The following BNC2 variants were observed in gnomAD, a reference collection of about 807,000 sequenced individuals.
The protein encoded by BNC2 is zinc finger protein basonuclin-2.
In BNC2, 20 loss-of-function variants were observed where a neutral mutation model predicts 76.3. The ratio of observed to expected loss-of-function variants is 0.26; its 90% CI spans 0.18 to 0.38. The LOEUF (loss-of-function observed/expected upper bound fraction) is 0.38. Among genes scored for constraint, BNC2 ranks in the 10% least tolerant of loss-of-function variants. The pLI is 1.00. For missense variants in BNC2, 1,382 were observed against 1,399.8 expected (o/e 0.99, Z 0.20); for synonymous variants, 582 against 514.8 (o/e 1.13, Z -1.77).
chr9:16,461,930 T>C (rs768498311), intron 5 of BNC2, among the ~76,000 whole-genome samples: 34 of 152,226 alleles, frequency 2.2e-4, no homozygotes, highest in Non-Finnish European at 3.2e-4. Flanking sequence ...AGTATGAAAG[T>C]AAACAAACTC....
At chr9:16,442,461 T>C (rs768222808) in intron 5 of BNC2, among the ~76,000 whole-genome samples, 2 of 152,242 alleles carry the variant, frequency 1.3e-5, no homozygotes, top group Non-Finnish European at 2.9e-5. Context: ...ATGGTTTAAA[T>C]GGTTTTATCT....
chr9:16,644,983 G>C (rs1324076483), intron 3 of BNC2, among the ~76,000 whole-genome samples: 1 of 152,118 alleles, frequency 6.6e-6, no homozygotes, highest in Non-Finnish European at 1.5e-5. Flanking sequence ...TCACAAAGTC[G>C]TCAGCATTGT....
chr9:16,864,722 C>A (rs893419320), intron 1 of BNC2, among the ~76,000 whole-genome samples: 3 of 152,152 alleles, frequency 2.0e-5, no homozygotes, highest in African/African-American at 4.8e-5. Context: ...GCATGCACGA[C>A]AATAGTCTCG....
intron 5 of BNC2, among the ~76,000 whole-genome samples, chr9:16,518,126 G>A (rs2132030141): frequency 6.6e-6 from 1 of 152,214 alleles, no homozygotes; most frequent in African/African-American, 2.4e-5. Context: ...ATATAATAAT[G>A]AAAATTAAAT....
intron 3 of BNC2, among the ~76,000 whole-genome samples, chr9:16,610,909 C>T (rs7019105): frequency 0.89 from 135,313 of 152,216 alleles, 60,702 homozygotes; most frequent in East Asian, 0.98. Context: ...TAGGCTGCCA[C>T]TGCTGTCATA....
intron 3 of BNC2, among the ~76,000 whole-genome samples, chr9:16,626,910 C>G (rs1050684617): frequency 1.3e-5 from 2 of 152,082 alleles, no homozygotes; most frequent in Admixed American, 1.3e-4. Context: ...CACTCACAGC[C>G]CTGTTAATTT....
rs758092172 is a variant in BNC2, at chr9:16,436,282, T to A, written c.1912A>T (p.Met638Leu). ...ATTTCCTTCTCAATCTTCACAGGCA[T>A]GCTTGACTTCCTGGGCTTTTTCTTG... The part of the protein sequence containing the change: ...APKKKPRKSS[M>L]PVKIEKEIID... Residue 638 changes from methionine to leucine, a missense_variant, in exon 6 of 7, where the codon ATG becomes TTG. Around this residue, in one of 3 missense-constraint regions of BNC2, gnomAD observed 798 missense variants for 775.5 expected, o/e 1.03. Transcript: ENST00000380672. 2 of 1,614,046 alleles carry A rather than the reference T, an allele frequency of 1.2e-6. No homozygotes were observed. Among genetic ancestry groups the A allele is most frequent in the African/African-American group, 2.7e-5 (2 of 74,910 alleles).
intron 1 of BNC2, among the ~76,000 whole-genome samples, chr9:16,839,880 G>C (rs766759585): frequency 2.6e-5 from 4 of 152,280 alleles, no homozygotes; most frequent in South Asian, 4.1e-4. Context: ...ATGCCTGCAA[G>C]CACACACCCA....
chr9:16,864,360 T>C (rs1042566855), intron 1 of BNC2, among the ~76,000 whole-genome samples: 5 of 152,226 alleles, frequency 3.3e-5, no homozygotes, highest in Admixed American at 6.5e-5. Flanking sequence ...AAAATAGTTA[T>C]GTTAGTCACC....
rs766885609 is a variant in BNC2, at chr9:16,583,090, AAAAT to A, written c.331-9_331-6del. ...TACCAGTGTGCAACGGATGGCCTGA[AAAAT>A]AAAGGAGGAAAAAAAGGTCAGCATC... On this transcript the variant is annotated splice_polypyrimidine_tract_variant and splice_region_variant and intron_variant, in intron 3 of 6. Coordinates refer to ENST00000380672, the MANE Select transcript of BNC2 (RefSeq NM_017637.6). The A allele has an allele frequency of 7.4e-5, 120 of 1,612,910 alleles. No homozygotes were observed. Among genetic ancestry groups the A allele is most frequent in the Non-Finnish European group, 1.0e-4 (118 of 1,179,084 alleles).
intron 3 of BNC2, among the ~76,000 whole-genome samples, chr9:16,586,814 G>A (rs575520191): frequency 3.3e-5 from 5 of 152,130 alleles, no homozygotes; most frequent in Non-Finnish European, 7.4e-5. Context: ...TTGGGGTTTG[G>A]GGGCAGTGAG....
intron 3 of BNC2, among the ~76,000 whole-genome samples, chr9:16,632,247 T>G (rs1044408004): frequency 1.3e-5 from 2 of 152,158 alleles, no homozygotes; most frequent in African/African-American, 2.4e-5. Context: ...CTGAACCCCT[T>G]CTATGTTTTA....
chr9:16,477,614 T>C (rs940857753), intron 5 of BNC2, among the ~76,000 whole-genome samples: 38 of 152,222 alleles, frequency 2.5e-4, no homozygotes, highest in Non-Finnish European at 4.0e-4. Context: ...ATTTAATATA[T>C]CTAGACTATT....
intron 2 of BNC2, among the ~76,000 whole-genome samples, chr9:16,737,799 C>T (rs547824979): frequency 1.3e-5 from 2 of 152,072 alleles, no homozygotes; most frequent in Non-Finnish European, 2.9e-5. Flanking sequence ...CTTAGAAGAT[C>T]TGCATAGTGA....
intron 5 of BNC2, among the ~76,000 whole-genome samples, chr9:16,520,155 C>G (rs748412720): frequency 6.6e-6 from 1 of 152,192 alleles, no homozygotes; most frequent in African/African-American, 2.4e-5. Flanking sequence ...TACGAGGAAA[C>G]CTTTCCCGTG....
intron 3 of BNC2, among the ~76,000 whole-genome samples, chr9:16,616,774 GGGAGGGGAGGAA>G (rs1454994941): frequency 7.8e-5 from 7 of 90,008 alleles, no homozygotes; most frequent in African/African-American, 2.8e-4. Context: ...GGGATGGGAG[GGGAGGGGAGGAA>G]GGAGGGAAGG....
intron 6 of BNC2, among the ~76,000 whole-genome samples, chr9:16,426,093 G>C (rs1820799803): frequency 6.6e-6 from 1 of 152,160 alleles, no homozygotes. Context: ...CTCATATGGT[G>C]CTCAGTTTAC....
chr9:16,421,290 C>G (rs749492434), intron 6 of BNC2: 1 of 1,299,116 alleles, frequency 7.7e-7, no homozygotes, highest in African/African-American at 1.5e-5. Flanking sequence ...GCTTTCTAAT[C>G]TTTTGCTAAA....
At chr9:16,865,130 T>C (rs922222662) in intron 1 of BNC2, among the ~76,000 whole-genome samples, 2 of 151,560 alleles carry the variant, frequency 1.3e-5, no homozygotes, top group Non-Finnish European at 2.9e-5. Flanking sequence ...TTTGTGTAGG[T>C]TGTTACATCT....
Sources: gnomAD v4.1 joint callset for allele counts (sites outside exome capture counted in the v4.1 genomes callset) on GRCh38, gnomAD v4.1.1 for gene constraint, gnomAD v4.1.1 regional missense constraint, MANE v1.5 for transcripts, NCBI Gene and HGNC (gene_info 2026-07-23, HGNC 2026-07-21) for gene names.